The following TNKS variants were observed in gnomAD, a reference collection of about 807,000 sequenced individuals.
TNKS encodes poly [ADP-ribose] polymerase tankyrase-1.
In TNKS, 72 loss-of-function variants were observed where a neutral mutation model predicts 135.8. The ratio of observed to expected loss-of-function variants is 0.53; its 90% CI spans 0.44 to 0.64. The LOEUF is 0.64. Ranked by LOEUF, TNKS falls within the 30% of genes least tolerant of loss-of-function variation. TNKS has a pLI of 0.00. For missense variants in TNKS, 1,769 were observed against 1,674.0 expected (o/e 1.06, Z -0.99); for synonymous variants, 849 against 649.3 (o/e 1.31, Z -4.68).
At chr8:9,599,782 G>A (rs912688031) in intron 2 of TNKS, among the ~76,000 whole-genome samples, 1 of 147,656 alleles carries the variant, frequency 6.8e-6, no homozygotes, top group Non-Finnish European at 1.5e-5. Flanking sequence ...CAGATGTGAT[G>A]TGCCTTTTTA....
At chr8:9,758,711 A>T (rs1168373188) in intron 20 of TNKS, among the ~76,000 whole-genome samples, 2 of 152,134 alleles carry the variant, frequency 1.3e-5, no homozygotes, top group African/African-American at 4.8e-5. Flanking sequence ...AAGCTCTCTC[A>T]CAGTGTTGGT....
chr8:9,724,330 A>G (rs1453762250), intron 12 of TNKS, among the ~76,000 whole-genome samples: 5 of 152,066 alleles, frequency 3.3e-5, no homozygotes, highest in African/African-American at 7.2e-5. Context: ...GTGCATGCCT[A>G]TGGTCCCAAC....
At chr8:9,696,577 G>A (rs974042732) in intron 5 of TNKS, among the ~76,000 whole-genome samples, 5 of 152,078 alleles carry the variant, frequency 3.3e-5, no homozygotes, top group African/African-American at 1.2e-4. Flanking sequence ...AAGGCTGCTA[G>A]AACTGATAAA....
chr8:9,734,416 T>G (rs1805588648), intron 15 of TNKS, among the ~76,000 whole-genome samples: 1 of 152,212 alleles, frequency 6.6e-6, no homozygotes, highest in African/African-American at 2.4e-5. Flanking sequence ...ATTACCAAAC[T>G]TTATTCTTAC....
At chr8:9,689,593 A>G (rs566301456) in intron 5 of TNKS, among the ~76,000 whole-genome samples, 6 of 152,350 alleles carry the variant, frequency 3.9e-5, no homozygotes, top group Admixed American at 3.3e-4. Flanking sequence ...ACAGTGTTCA[A>G]TACCCATTAG....
At chr8:9,770,890 G>A (rs963544833) in intron 26 of TNKS, among the ~76,000 whole-genome samples, 1 of 152,078 alleles carries the variant, frequency 6.6e-6, no homozygotes, top group Admixed American at 6.5e-5. Context: ...GCATATTATA[G>A]GATTGAGCAC....
At chr8:9,588,525 C>T (rs543152854) in intron 2 of TNKS, among the ~76,000 whole-genome samples, 1 of 152,310 alleles carries the variant, frequency 6.6e-6, no homozygotes, top group East Asian at 1.9e-4. Flanking sequence ...ATCCGCCCAC[C>T]TCGGCGTTCC....
At chr8:9,642,871 A>G (rs1800774455) in intron 3 of TNKS, among the ~76,000 whole-genome samples, 1 of 146,252 alleles carries the variant, frequency 6.8e-6, no homozygotes, top group Non-Finnish European at 1.5e-5. Flanking sequence ...TAACAGCTTG[A>G]CTAAAAGTAT....
chr8:9,694,313 C>T (rs1803413802), intron 5 of TNKS, among the ~76,000 whole-genome samples: 1 of 151,912 alleles, frequency 6.6e-6, no homozygotes, highest in Admixed American at 6.6e-5. Flanking sequence ...TTTGTTAAGC[C>T]TTTAAAACAT....
At chr8:9,624,730 A>G (rs985022590) in intron 3 of TNKS, among the ~76,000 whole-genome samples, 5 of 152,154 alleles carry the variant, frequency 3.3e-5, no homozygotes, top group Non-Finnish European at 1.5e-5. Flanking sequence ...GTAATGTGTT[A>G]GTAATACATT....
intron 2 of TNKS, among the ~76,000 whole-genome samples, chr8:9,613,438 A>G (rs567315335): frequency 6.6e-6 from 1 of 152,168 alleles, no homozygotes; most frequent in Non-Finnish European, 1.5e-5. Context: ...TGCTGATCTA[A>G]TGAGGGGTTA....
At chr8:9,597,316 A>T (rs926810587) in intron 2 of TNKS, among the ~76,000 whole-genome samples, 1 of 152,230 alleles carries the variant, frequency 6.6e-6, no homozygotes. Context: ...TTCTTCTTGT[A>T]TGCAACAGTA....
At chr8:9,721,313 A>ATATATATATATATATATAT (rs1804872482) in intron 12 of TNKS, among the ~76,000 whole-genome samples, 7 of 35,888 alleles carry the variant, frequency 2.0e-4, no homozygotes, top group Admixed American at 3.5e-4. Context: ...TATATATATA[A>ATATATATATATATATATAT]AATTATAAAA....
At chr8:9,603,179 A>T (rs1300485865) in intron 2 of TNKS, among the ~76,000 whole-genome samples, 1 of 152,036 alleles carries the variant, frequency 6.6e-6, no homozygotes, top group African/African-American at 2.4e-5. Flanking sequence ...CAGGCTCCCA[A>T]GTAGCTGGGA....
chr8:9,661,848 C>A (rs1228603309), intron 3 of TNKS, among the ~76,000 whole-genome samples: 1 of 151,992 alleles, frequency 6.6e-6, no homozygotes, highest in African/African-American at 2.4e-5. Flanking sequence ...TGACAAAGGG[C>A]TAATATCCAG....
intron 2 of TNKS, among the ~76,000 whole-genome samples, chr8:9,608,570 C>T (rs1235191616): frequency 6.6e-6 from 1 of 152,082 alleles, no homozygotes; most frequent in Non-Finnish European, 1.5e-5. Flanking sequence ...CCAAATAAGC[C>T]TCAGGGGTTT....
intron 11 of TNKS, among the ~76,000 whole-genome samples, chr8:9,716,844 C>T (rs1405303450): frequency 4.0e-5 from 6 of 151,604 alleles, no homozygotes; most frequent in Admixed American, 1.3e-4. Flanking sequence ...ACAACCCATA[C>T]TTTATGTGTC....
At chr8:9,606,029 A>G (rs1799204180) in intron 2 of TNKS, among the ~76,000 whole-genome samples, 1 of 150,440 alleles carries the variant, frequency 6.6e-6, no homozygotes, top group Non-Finnish European at 1.5e-5. Flanking sequence ...GGTCATGAAG[A>G]TTTTTCTTTC....
At chr8:9,659,728 G>C (rs994485476) in intron 3 of TNKS, among the ~76,000 whole-genome samples, 4 of 152,058 alleles carry the variant, frequency 2.6e-5, no homozygotes, top group Admixed American at 6.6e-5. Flanking sequence ...CAAGAAATAA[G>C]TAAGATCAGA....
Sources: gnomAD v4.1 joint callset for allele counts (sites outside exome capture counted in the v4.1 genomes callset) on GRCh38, gnomAD v4.1.1 for gene constraint, MANE v1.5 for transcripts, NCBI Gene and HGNC (gene_info 2026-07-23, HGNC 2026-07-21) for gene names.